The following COL28A1 variants were observed in gnomAD, a reference collection of about 807,000 sequenced individuals.
COL28A1 encodes the protein collagen type XXVIII alpha 1 chain.
Under a neutral mutation model 150.2 loss-of-function variants are expected in COL28A1, and 161 were observed. The observed-to-expected ratio is 1.07, with a 90% CI of 0.94 to 1.22. The LOEUF is 1.22. Among genes scored for constraint, COL28A1 ranks in the 50% most tolerant of loss-of-function variants. The probability of loss-of-function intolerance (pLI) is 0.00; values close to 1 mark genes in which losing one functional copy is unlikely to be tolerated. For missense variants in COL28A1, 1,617 were observed against 1,388.3 expected, an observed-to-expected ratio of 1.16 and a Z score of -2.62; for synonymous variants, 552 against 469.7, an observed-to-expected ratio of 1.18 and a Z score of -2.26.
the COL28A1 span, among the ~76,000 whole-genome samples, chr7:7,349,554 T>C: frequency 2.6e-5 from 4 of 152,168 alleles, no homozygotes; most frequent in African/African-American, 7.2e-5. Context: ...GCTGCCTTAG[T>C]CTTCCTGGAC....
intron 9 of COL28A1, among the ~76,000 whole-genome samples, chr7:7,510,814 A>G (rs1295709033): frequency 2.6e-5 from 4 of 152,212 alleles, no homozygotes; most frequent in Admixed American, 2.6e-4. Flanking sequence ...CAGGTTAAAT[A>G]ATTCTTTTTA....
chr7:7,361,311 T>C (rs1469465503), intron 33 of COL28A1, among the ~76,000 whole-genome samples: 1 of 151,302 alleles, frequency 6.6e-6, no homozygotes, highest in African/African-American at 2.4e-5. Flanking sequence ...TTTTTAAAAA[T>C]AGTGCCTTTA....
intron 27 of COL28A1, among the ~76,000 whole-genome samples, chr7:7,382,096 G>A (rs1251127719): frequency 6.6e-6 from 1 of 152,128 alleles, no homozygotes; most frequent in African/African-American, 2.4e-5. Flanking sequence ...GATCACCTGA[G>A]GTCATGAGTT....
chr7:7,411,133 T>G (rs1345770387), intron 27 of COL28A1, among the ~76,000 whole-genome samples: 4 of 152,132 alleles, frequency 2.6e-5, no homozygotes, highest in African/African-American at 7.2e-5. Flanking sequence ...TTATCTTTTC[T>G]TGTAAAGGGA....
intron 7 of COL28A1, 126 bp downstream of exon 7, chr7:7,517,670 G>A (rs1287050032): frequency 2.9e-6 from 4 of 1,362,414 alleles, no homozygotes; most frequent in Non-Finnish European, 4.1e-6. Flanking sequence ...GCCTTCTTGA[G>A]CCATCAAGAG....
chr7:7,534,419 A>T (rs184804040), intron 1 of COL28A1, among the ~76,000 whole-genome samples: 16 of 152,322 alleles, frequency 1.1e-4, no homozygotes, highest in Admixed American at 9.8e-4. Flanking sequence ...TCTGAAGGTT[A>T]GTGTAAAGAT....
chr7:7,383,003 A>T (rs370032724), intron 27 of COL28A1, among the ~76,000 whole-genome samples: 1 of 152,114 alleles, frequency 6.6e-6, no homozygotes, highest in African/African-American at 2.4e-5. Flanking sequence ...AGCTGTTTCA[A>T]ATCAAAAGGG....
chr7:7,500,335 C>A (rs1033838298), intron 11 of COL28A1, among the ~76,000 whole-genome samples: 1 of 152,218 alleles, frequency 6.6e-6, no homozygotes, highest in Non-Finnish European at 1.5e-5. Context: ...TCAAGAAATA[C>A]TTGTTGCTTC....
At chr7:7,537,601 C>T (rs986653209), upstream of COL28A1, among the ~76,000 whole-genome samples, 1 of 152,176 alleles carries the variant, frequency 6.6e-6, no homozygotes, top group East Asian at 1.9e-4. Context: ...GCTGGTAAGA[C>T]CTGTGAGCCT....
chr7:7,463,439 T>A (rs1409684896), intron 15 of COL28A1, among the ~76,000 whole-genome samples: 3 of 152,180 alleles, frequency 2.0e-5, no homozygotes, highest in Non-Finnish European at 2.9e-5. Flanking sequence ...AGGTAACCTA[T>A]AAAGGAAAAC....
chr7:7,350,940 A>C, the COL28A1 span, among the ~76,000 whole-genome samples: 1 of 152,114 alleles, frequency 6.6e-6, no homozygotes, highest in Non-Finnish European at 1.5e-5. Context: ...ATAAAATTTA[A>C]GCTTCTAGTC....
intron 18 of COL28A1, among the ~76,000 whole-genome samples, chr7:7,449,874 G>C (rs962091408): frequency 2.0e-5 from 3 of 152,072 alleles, no homozygotes; most frequent in African/African-American, 2.4e-5. Context: ...TCTGTGGTGT[G>C]AAAGACTTGC....
At chr7:7,391,267 T>C (rs139071983) in intron 27 of COL28A1, among the ~76,000 whole-genome samples, 4,591 of 152,290 alleles carry the variant, frequency 0.03, 247 homozygotes, top group African/African-American at 0.1. Context: ...GTTGTTCAGT[T>C]TCCATGTAGA....
intron 3 of COL28A1, among the ~76,000 whole-genome samples, chr7:7,524,984 T>C (rs1324972973): frequency 6.6e-6 from 1 of 152,242 alleles, no homozygotes; most frequent in Non-Finnish European, 1.5e-5. Context: ...AATTTTGAAC[T>C]GTTCATAGCA....
At chr7:7,456,897 C>T (rs552528487) in intron 15 of COL28A1, among the ~76,000 whole-genome samples, 22 of 152,204 alleles carry the variant, frequency 1.4e-4, no homozygotes, top group East Asian at 5.8e-4. Flanking sequence ...GAAGAGGCAG[C>T]GATGATTTTG....
In COL28A1 at chr7:7,448,173, C is replaced by G. The variant is rs77562227; in HGVS notation, c.1510-3684G>C. Among the ~76,000 whole-genome samples the G allele has an allele frequency of 9.5e-3, 1,442 of 152,252 alleles. 29 individuals carry two copies. The highest frequency in any genetic ancestry group is 0.033 in the African/African-American group (1,355 of 41,534). ...TTTCCAAATTTGATGAAAACTATAACTCATAGATCTAAGAATATCAGTGAA... is the reference window on the plus strand; with the variant it reads ...TTTCCAAATTTGATGAAAACTATAAGTCATAGATCTAAGAATATCAGTGAA... On this transcript the variant is annotated intron_variant, in intron 18 of 34. Transcript: ENST00000399429.
At chr7:7,404,050 A>G (rs1783364258) in intron 27 of COL28A1, among the ~76,000 whole-genome samples, 1 of 152,162 alleles carries the variant, frequency 6.6e-6, no homozygotes, top group Non-Finnish European at 1.5e-5. Flanking sequence ...CAAGAGTCAC[A>G]GTCATTTTTT....
intron 27 of COL28A1, among the ~76,000 whole-genome samples, chr7:7,404,363 G>A (rs775911169): frequency 2.6e-5 from 4 of 151,894 alleles, no homozygotes; most frequent in East Asian, 1.9e-4. Flanking sequence ...GCTGTTGGTC[G>A]AATCCCAGCA....
At chr7:7,495,503 T>C (rs1340247582) in intron 11 of COL28A1, among the ~76,000 whole-genome samples, 1 of 152,026 alleles carries the variant, frequency 6.6e-6, no homozygotes, top group African/African-American at 2.4e-5. Context: ...CAAAGATAAA[T>C]TGTCATCTTT....
Sources: allele counts gnomAD v4.1 joint callset (sites outside exome capture counted in the v4.1 genomes callset), GRCh38; gene constraint gnomAD v4.1.1; transcripts MANE v1.5; gene names NCBI Gene and HGNC (gene_info 2026-07-23, HGNC 2026-07-21).